LRP1B: variants seen among roughly 807,000 people sequenced by gnomAD.
LRP1B encodes the protein low-density lipoprotein receptor-related protein 1B.
A neutral mutation model predicts 556.6 loss-of-function variants in LRP1B; 217 were observed. The observed-to-expected ratio is 0.39, with a 90% CI of 0.35 to 0.44. LRP1B has a LOEUF of 0.44. Among genes scored for constraint, LRP1B ranks in the 20% least tolerant of loss-of-function variants. The pLI is 1.00. For missense variants in LRP1B, 5,053 were observed against 5,620.8 expected (o/e 0.90, Z 3.23); for synonymous variants, 2,047 against 1,865.8 (o/e 1.10, Z -2.50).
intron 3 of LRP1B, among the ~76,000 whole-genome samples, chr2:141,452,335 T>A (rs992126955): frequency 3.3e-5 from 5 of 152,186 alleles, no homozygotes; most frequent in Non-Finnish European, 7.4e-5. Flanking sequence ...GTATGACTGA[T>A]ACAATGCTGA....
intron 86 of LRP1B, among the ~76,000 whole-genome samples, chr2:140,250,875 T>C (rs1210306509): frequency 6.6e-6 from 1 of 151,788 alleles, no homozygotes; most frequent in Non-Finnish European, 1.5e-5. Context: ...TCATTCAATG[T>C]CTTATTGTGA....
At position 140,467,343 on chromosome 2, in the gene LRP1B, C is replaced by T. The variant is rs997212760; in HGVS notation, c.9625+7795G>A. On this transcript the variant is annotated intron_variant, in intron 60 of 90. Coordinates refer to ENST00000389484, the MANE Select transcript of LRP1B (RefSeq NM_018557.3). The stretch of plus-strand genomic sequence containing the variant: ...ATTAGGCCTGGTGCAGTGGCTCATG[C>T]CTGTAATCCCAGCACTGTGGGAAGC... Among the ~76,000 whole-genome samples, 21 of 151,930 alleles carry T rather than the reference C, an allele frequency of 1.4e-4. 1 individual carries two copies. Among genetic ancestry groups the T allele is most frequent in the African/African-American group, 5.1e-4 (21 of 41,370 alleles).
At chr2:140,475,470 C>T (rs1489786084) in intron 59 of LRP1B, 133 bp from the exon 60 acceptor site, 3 of 570,060 alleles carry the variant, frequency 5.3e-6, no homozygotes, top group Non-Finnish European at 8.9e-6. Context: ...TTTTAAGAAA[C>T]ATCCTTTGAT....
chr2:140,807,084 G>T (rs180926643), intron 32 of LRP1B, among the ~76,000 whole-genome samples: 1 of 152,152 alleles, frequency 6.6e-6, no homozygotes, highest in African/African-American at 2.4e-5. Flanking sequence ...ACTAAAAACT[G>T]AACAGTGACT....
intron 83 of LRP1B, 37 bp from the exon 84 acceptor site, chr2:140,298,006 C>G (rs376982616): frequency 1.5e-5 from 23 of 1,536,628 alleles, no homozygotes; most frequent in Non-Finnish European, 1.9e-5. Context: ...GCAAATTATT[C>G]AACCAAAATA....
At chr2:142,057,932 G>C (rs1436528202) in intron 1 of LRP1B, among the ~76,000 whole-genome samples, 2 of 152,032 alleles carry the variant, frequency 1.3e-5, no homozygotes, top group African/African-American at 2.4e-5. Context: ...ACTTACTCTT[G>C]AACCCTTTCT....
chr2:141,823,155 G>A (rs1696810007), intron 1 of LRP1B, among the ~76,000 whole-genome samples: 1 of 152,178 alleles, frequency 6.6e-6, no homozygotes, highest in Non-Finnish European at 1.5e-5. Flanking sequence ...ATGGACATGT[G>A]GCCAGTGCTG....
chr2:141,816,069 A>G (rs1327391820), intron 1 of LRP1B, among the ~76,000 whole-genome samples: 2 of 152,172 alleles, frequency 1.3e-5, no homozygotes, highest in Non-Finnish European at 2.9e-5. Context: ...TGTTTTCTTC[A>G]TTTTATTTTG....
At chr2:141,331,300 CA>C (rs1472575393) in intron 3 of LRP1B, among the ~76,000 whole-genome samples, 1 of 152,114 alleles carries the variant, frequency 6.6e-6, no homozygotes, top group Non-Finnish European at 1.5e-5. Flanking sequence ...ACAATGAGCT[CA>C]AATGAATTTT....
At chr2:141,478,035 GA>G (rs898480226) in intron 3 of LRP1B, among the ~76,000 whole-genome samples, 1 of 150,962 alleles carries the variant, frequency 6.6e-6, no homozygotes, top group Non-Finnish European at 1.5e-5. Context: ...AATTAGAACA[GA>G]AAAAAAAGAA....
At chr2:141,291,343 G>T (rs1323159423) in intron 3 of LRP1B, among the ~76,000 whole-genome samples, 1 of 151,972 alleles carries the variant, frequency 6.6e-6, no homozygotes, top group Non-Finnish European at 1.5e-5. Flanking sequence ...CTTCCACTTT[G>T]ACAAGAACGA....
At chr2:141,564,636 G>A (rs141063531) in intron 2 of LRP1B, among the ~76,000 whole-genome samples, 30 of 152,124 alleles carry the variant, frequency 2.0e-4, no homozygotes, top group African/African-American at 7.0e-4. Context: ...AAAGGGATAC[G>A]TTCAGCATGT....
intron 2 of LRP1B, among the ~76,000 whole-genome samples, chr2:141,788,294 T>C (rs1408930174): frequency 6.6e-6 from 1 of 152,040 alleles, no homozygotes; most frequent in Non-Finnish European, 1.5e-5. Context: ...TGATGATTCC[T>C]AACCTGGGAA....
At chr2:140,251,327 AAG>A (rs1681405274) in intron 86 of LRP1B, among the ~76,000 whole-genome samples, 1 of 151,844 alleles carries the variant, frequency 6.6e-6, no homozygotes, top group Non-Finnish European at 1.5e-5. Flanking sequence ...AATTATTACA[AAG>A]AGAATTAAAA....
chr2:141,914,492 G>A (rs1212688112), intron 1 of LRP1B, among the ~76,000 whole-genome samples: 1 of 152,172 alleles, frequency 6.6e-6, no homozygotes, highest in Non-Finnish European at 1.5e-5. Context: ...AGTACTGGAA[G>A]TCCTCGTCAG....
chr2:141,311,318 T>G (rs1033598179), intron 3 of LRP1B, among the ~76,000 whole-genome samples: 1 of 152,174 alleles, frequency 6.6e-6, no homozygotes, highest in African/African-American at 2.4e-5. Flanking sequence ...ATTCTACACC[T>G]TCAAATGAAT....
chr2:140,501,536 C>T (rs1228741478), intron 55 of LRP1B, 151 bp downstream of exon 55: 1 of 473,518 alleles, frequency 2.1e-6, no homozygotes, highest in Non-Finnish European at 3.6e-6. Flanking sequence ...TATCACACTA[C>T]TATTATGGTA....
intron 75 of LRP1B, among the ~76,000 whole-genome samples, 169 bp downstream of exon 75, chr2:140,356,173 A>AAACG (rs1259404301): frequency 6.6e-6 from 1 of 151,750 alleles, no homozygotes; most frequent in East Asian, 1.9e-4. Context: ...TTAGCTCCAC[A>AAACG]AACAAGCTCT....
chr2:141,400,524 T>C (rs757518691), intron 3 of LRP1B, among the ~76,000 whole-genome samples: 8 of 152,180 alleles, frequency 5.3e-5, no homozygotes, highest in Admixed American at 1.3e-4. Flanking sequence ...AAATTCTCCA[T>C]AGTTTTAGAA....
Sources: gnomAD v4.1 joint callset for allele counts (sites outside exome capture counted in the v4.1 genomes callset) on GRCh38, gnomAD v4.1.1 for gene constraint, MANE v1.5 for transcripts, NCBI Gene and HGNC (gene_info 2026-07-23, HGNC 2026-07-21) for gene names.